Variants in HES7 observed in about 807,000 individuals in gnomAD.
The protein encoded by HES7 is hes family bHLH transcription factor 7, also known as transcription factor HES-7.
HES7 carries 8 observed loss-of-function variants against 18.0 expected under a neutral mutation model. The ratio of observed to expected loss-of-function variants is 0.45; its 90% CI spans 0.26 to 0.80. HES7 has a LOEUF of 0.80. HES7 is among the 30% of genes least tolerant of loss of function. The pLI is 0.18. For synonymous variants in HES7, 170 were observed against 158.6 expected, an observed-to-expected ratio of 1.07 and a Z score of -0.54; for missense variants, 356 against 340.9, an observed-to-expected ratio of 1.04 and a Z score of -0.35.
chr17:8,121,678 C>A lies in HES7; in HGVS notation c.586G>T (p.Ala196Ser). The A allele has an allele frequency of 3.0e-6, 4 of 1,326,452 alleles. No individual in the cohort carries two copies. Among genetic ancestry groups the A allele is most frequent in the Non-Finnish European group, 3.8e-6 (4 of 1,044,768 alleles). The allele number at this position is 1,326,452 out of a possible 1,614,324, so 82.2% of individuals were successfully genotyped here. The change falls in exon 4 of 4, where the codon GCG (alanine) becomes TCG (serine). Residue 196 changes from alanine to serine, a missense_variant. By Grantham distance (99) the Ala-to-Ser change is moderately conservative. Transcript: ENST00000541682. ...GGCGGCAGCAGTCCGGTGAGGGGCG[C>A]CGGCGCGCCAGAATCCCCGGCGCGC... ...SPRAGDSGAPAPLTGLLPPPP... is the reference protein window; with the variant it reads ...SPRAGDSGAPSPLTGLLPPPP...
At chr17:8,125,817 C>A (rs1049856436), upstream of HES7, among the ~76,000 whole-genome samples, 2 of 152,290 alleles carry the variant, frequency 1.3e-5, no homozygotes, top group African/African-American at 4.8e-5. Context: ...GGCCAATGCA[C>A]GAGTACAGTT....
rs1981296852 is a variant in HES7, at chr17:8,121,156, C to G, written c.*415G>C. ...CTCTCTTCTTTACTTACCTGTCTGCCCCGGGGCTTGGGCCATGGAGAGCAG... is the reference window on the plus strand; with the variant it reads ...CTCTCTTCTTTACTTACCTGTCTGCGCCGGGGCTTGGGCCATGGAGAGCAG... On this transcript the variant is annotated 3_prime_UTR_variant, in exon 4 of 4. Coordinates refer to ENST00000541682, the MANE Select transcript of HES7 (RefSeq NM_001165967.2). 5.9e-6 allele frequency: 1 copy of G among 169,136 alleles called. No individual in the cohort carries two copies. The highest frequency in any genetic ancestry group is 1.3e-5 in the Non-Finnish European group (1 of 79,562). 10.5% of individuals were successfully genotyped at this position (169,136 alleles called of 1,614,324 possible). A position where few individuals can be genotyped will look rare whatever the true frequency, so the allele number is the denominator to read the frequency against.
At chr17:8,126,200 TTTC>T (rs1981603122), upstream of HES7, among the ~76,000 whole-genome samples, 1 of 152,202 alleles carries the variant, frequency 6.6e-6, no homozygotes, top group African/African-American at 2.4e-5. Flanking sequence ...CACGCTTTCT[TTTC>T]TTAAGTCTAT....
rs776500517 is a variant in HES7 at position 8,121,822 on chromosome 17, G to A, written c.442C>T (p.Pro148Ser). Reference sequence around the variant, plus strand: ...GCGGCGGGGTCCAGGGATGGGCGCGGCGCTGGAGGCCTCGGATCTACCGGC... The same window carrying A: ...GCGGCGGGGTCCAGGGATGGGCGCGACGCTGGAGGCCTCGGATCTACCGGC... The part of the protein sequence containing the change: ...PKPVDPRPPA[P>S]RPSLDPAAPA... Residue 148 changes from proline (P) to serine (S), a missense_variant, in exon 4 of 4, where the codon CCG (proline) becomes TCG (serine). Transcript: ENST00000541682. The A allele has an allele frequency of 6.4e-7, 1 of 1,569,212 alleles. No homozygotes were observed. The highest frequency in any genetic ancestry group is 1.1e-5 in the South Asian group (1 of 88,438).
upstream of HES7, among the ~76,000 whole-genome samples, chr17:8,125,195 G>C (rs1341167645): frequency 6.6e-6 from 1 of 152,210 alleles, no homozygotes; most frequent in Non-Finnish European, 1.5e-5. Flanking sequence ...CAGCCAGGTT[G>C]CCAGGGATAA....
chr17:8,121,873 G>A lies in HES7; in HGVS notation c.391C>T (p.Leu131=). ...AQLFSALHGY[L]RPKPPRPKPV... is the part of the protein sequence containing the mutation. ...TTGGGCCGGGGCGGTTTGGGGCGCA[G>A]ATAGCCGTGCAGCGCGGAGAAGAGC... is the stretch of plus-strand genomic sequence containing the variant. Residue 131 remains leucine, a synonymous_variant, in exon 4 of 4, where the codon CTG becomes TTG. Coordinates refer to ENST00000541682, the MANE Select transcript of HES7 (RefSeq NM_001165967.2). 1 of 1,572,466 alleles carries A rather than the reference G, an allele frequency of 6.4e-7. No homozygotes were observed. Among genetic ancestry groups the A allele is most frequent in the Non-Finnish European group, 8.6e-7 (1 of 1,169,540 alleles).
chr17:8,121,328 G>C lies in HES7; in HGVS notation c.*243C>G. The C allele has an allele frequency of 2.6e-6, 1 of 379,254 alleles. No individual in the cohort carries two copies. The highest frequency in any genetic ancestry group is 4.7e-6 in the Non-Finnish European group (1 of 214,702). The allele number at this position is 379,254 out of a possible 1,614,324, so 23.5% of individuals were successfully genotyped here. On this transcript the variant is annotated 3_prime_UTR_variant, in exon 4 of 4. Transcript: ENST00000541682. The stretch of plus-strand genomic sequence containing the variant: ...GGGAAGGGACTGGGACTGGGCTGAG[G>C]GGCAGAGAGAGTACAATCCTAGACG...
Position 8,124,049 on chromosome 17 carries a change from G to A in HES7, c.36C>T (p.Gly12=), listed in dbSNP as rs772989452. 3 of 1,614,030 alleles carry A rather than the reference G, an allele frequency of 1.9e-6. No individual in the cohort carries two copies. The highest frequency in any genetic ancestry group is 2.2e-5 in the South Asian group (2 of 91,076). ...CTCCCCTCCCGCCTCTCACCTTGGG[G>A]CCGTCCCTATTCTCAGCTCGATCCC... ...VTRDRAENRD[G]PKMLKPLVEK... is the part of the protein sequence containing the mutation. The change falls in exon 1 of 4, where the codon GGC becomes GGT. Residue 12 remains glycine, a synonymous_variant. Transcript: ENST00000541682.
chr17:8,124,803 C>T (rs555571880), upstream of HES7, among the ~76,000 whole-genome samples: 3 of 152,268 alleles, frequency 2.0e-5, no homozygotes, highest in East Asian at 5.8e-4. Flanking sequence ...AGTAGGTGCT[C>T]CGGGAAAAGG....
In HES7 at chr17:8,121,938, G is replaced by T. The variant is rs937286297; in HGVS notation, c.326C>A (p.Ala109Glu). 7.7e-6 allele frequency: 12 copies of T among 1,560,382 alleles called. No individual in the cohort carries two copies. The highest frequency in any genetic ancestry group is 1.0e-5 in the Non-Finnish European group (12 of 1,163,988). ...CGGGCTGGCGTCGTGCGCGAAGGCC[G>T]CCAAGCGAAGCAGGCACTCGCGGAA... Reference protein sequence around the residue: ...SGFRECLLRLAAFAHDASPAA... With the variant: ...SGFRECLLRLEAFAHDASPAA... Residue 109 changes from alanine to glutamate, a missense_variant, in exon 4 of 4, where the codon GCG (alanine) becomes GAG (glutamate). Coordinates refer to ENST00000541682, the MANE Select transcript of HES7 (RefSeq NM_001165967.2).
At position 8,122,203 on chromosome 17, in the gene HES7, G is replaced by T; in HGVS notation, c.226+140C>A. 1.1e-6 allele frequency: 1 copy of T among 904,968 alleles called. No individual in the cohort carries two copies. The highest frequency in any genetic ancestry group is 1.7e-6 in the Non-Finnish European group (1 of 592,866). The allele number at this position is 904,968 out of a possible 1,614,324, so 56.1% of individuals were successfully genotyped here. ...GGAGACACAGAGACAGACACGCGCGGGTGTTATTAACCTCGCCTCGGAGCA... is the reference window on the plus strand; with the variant it reads ...GGAGACACAGAGACAGACACGCGCGTGTGTTATTAACCTCGCCTCGGAGCA... On this transcript the variant is annotated intron_variant, in intron 3 of 3. Coordinates refer to ENST00000541682, the MANE Select transcript of HES7 (RefSeq NM_001165967.2). This position sits in a 1 kb window ranked among gnomAD's most constrained non-coding sequence, Gnocchi z 6.9.
chr17:8,121,358 G>T lies in HES7; in HGVS notation c.*213C>A. ...GAGAGAGTACAATCCTAGACGCAAGGGAGAAGTTGGGGCAGGGAAAAGGGA... is the reference window on the plus strand; with the variant it reads ...GAGAGAGTACAATCCTAGACGCAAGTGAGAAGTTGGGGCAGGGAAAAGGGA... On this transcript the variant is annotated 3_prime_UTR_variant, in exon 4 of 4. Coordinates refer to ENST00000541682, the MANE Select transcript of HES7 (RefSeq NM_001165967.2). 1 of 397,852 alleles carries T rather than the reference G, an allele frequency of 2.5e-6. No homozygotes were observed. The highest frequency in any genetic ancestry group is 4.4e-6 in the Non-Finnish European group (1 of 227,816). The allele number at this position is 397,852 out of a possible 1,614,324, so 24.6% of individuals were successfully genotyped here.
Position 8,123,266 on chromosome 17 carries a change from C to G in HES7, c.43-140G>C. 3.0e-6 allele frequency: 2 copies of G among 677,542 alleles called. No homozygotes were observed. Among genetic ancestry groups the G allele is most frequent in the South Asian group, 1.6e-5 (1 of 64,088 alleles). 42.0% of individuals were successfully genotyped at this position (677,542 alleles called of 1,614,324 possible). ...CAGATTGCCTAGGGCCGGCCCCATTCGATCCCTCTCCGCTCCCCCTCCCAA... is the reference window on the plus strand; with the variant it reads ...CAGATTGCCTAGGGCCGGCCCCATTGGATCCCTCTCCGCTCCCCCTCCCAA... On this transcript the variant is annotated intron_variant, in intron 1 of 3. Coordinates refer to ENST00000541682, the MANE Select transcript of HES7 (RefSeq NM_001165967.2). The surrounding 1 kb of genome is among the most constrained non-coding windows in gnomAD (Gnocchi z 5.9).
Position 8,122,149 on chromosome 17 carries a change from C to T in HES7, c.227-112G>A. 1 of 1,044,446 alleles carries T rather than the reference C, an allele frequency of 9.6e-7. No homozygotes were observed. Among genetic ancestry groups the T allele is most frequent in the Non-Finnish European group, 1.4e-6 (1 of 737,460 alleles). The allele number at this position is 1,044,446 out of a possible 1,614,324, so 64.7% of individuals were successfully genotyped here. A position where few individuals can be genotyped will look rare whatever the true frequency, so the allele number is the denominator to read the frequency against. On this transcript the variant is annotated intron_variant, in intron 3 of 3. Transcript: ENST00000541682. The surrounding 1 kb of genome is among the most constrained non-coding windows in gnomAD (Gnocchi z 6.9). ...GGACAGGCGCACAGAGACAGGAAGC[C>T]AGATGGACGGAAAGAGGGAGAAAAT... is the stretch of plus-strand genomic sequence containing the variant.
chr17:8,121,577 C>G lies in HES7; in HGVS notation c.687G>C (p.Trp229Cys). 7.6e-7 allele frequency: 1 copy of G among 1,310,628 alleles called. No individual in the cohort carries two copies. The highest frequency in any genetic ancestry group is 9.6e-7 in the Non-Finnish European group (1 of 1,036,980). The allele number at this position is 1,310,628 out of a possible 1,614,324, so 81.2% of individuals were successfully genotyped here. Reference protein sequence around the residue: ...LPPPPAFWRPWP With the variant: ...LPPPPAFWRPCP ...CCCCACCACCCCCCAAGGCTCAGGG[C>G]CAAGGTCTCCAGAAAGCGGGCGGCG... The change falls in exon 4 of 4, where the codon TGG becomes TGC. Residue 229 changes from tryptophan (W) to cysteine (C), a missense_variant. Trp to Cys is a radical substitution (Grantham distance 215, BLOSUM62 -2). Coordinates refer to ENST00000541682, the MANE Select transcript of HES7 (RefSeq NM_001165967.2).
upstream of HES7, among the ~76,000 whole-genome samples, chr17:8,125,813 T>G (rs1042427325): frequency 6.6e-6 from 1 of 152,210 alleles, no homozygotes; most frequent in South Asian, 2.1e-4. Flanking sequence ...TCCCGGCCAA[T>G]GCACGAGTAC....
In HES7 at chr17:8,122,104, G is replaced by A. The variant is rs1981380432; in HGVS notation, c.227-67C>T. 7.3e-7 allele frequency: 1 copy of A among 1,371,594 alleles called. No homozygotes were observed. The highest frequency in any genetic ancestry group is 1.4e-5 in the South Asian group (1 of 69,536). 85.0% of individuals were successfully genotyped at this position (1,371,594 alleles called of 1,614,324 possible). The stretch of plus-strand genomic sequence containing the variant: ...CCGGCAGGGGTGAGGGAAGGGGCGG[G>A]GCGCAGAGATACCAAGGCCGGACAG... On this transcript the variant is annotated intron_variant, in intron 3 of 3. Coordinates refer to ENST00000541682, the MANE Select transcript of HES7 (RefSeq NM_001165967.2). This position sits in a 1 kb window ranked among gnomAD's most constrained non-coding sequence, Gnocchi z 6.9.
chr17:8,124,394 A>T (rs964340327), upstream of HES7, among the ~76,000 whole-genome samples: 1 of 152,118 alleles, frequency 6.6e-6, no homozygotes, highest in Non-Finnish European at 1.5e-5. Context: ...TCGCTTGGGG[A>T]TGAAATTCAG....
upstream of HES7, among the ~76,000 whole-genome samples, chr17:8,125,739 A>G (rs533106625): frequency 2.6e-5 from 4 of 152,172 alleles, no homozygotes; most frequent in African/African-American, 7.2e-5. Context: ...CAGAATCTTT[A>G]AGCCGCGCAT....
Sources: gnomAD v4.1 joint callset for allele counts (sites outside exome capture counted in the v4.1 genomes callset) on GRCh38, gnomAD v4.1.1 for gene constraint, Gnocchi (gnomAD v3.1) non-coding constraint, MANE v1.5 for transcripts, NCBI Gene and HGNC (gene_info 2026-07-23, HGNC 2026-07-21) for gene names.